Variants in PMS1 observed in about 807,000 individuals in gnomAD.
PMS1 encodes the protein PMS1 homolog 1, mismatch repair system component.
Under a neutral mutation model 93.1 loss-of-function variants are expected in PMS1, and 79 were observed. That is an observed-to-expected ratio of 0.85 (90% confidence interval 0.71 to 1.02). PMS1 has a LOEUF of 1.02. Among genes scored for constraint, PMS1 ranks in the 50% least tolerant of loss-of-function variants. PMS1 has a pLI of 0.00. For synonymous variants in PMS1, 335 were observed against 363.4 expected (o/e 0.92, Z 0.89); for missense variants, 1,064 against 1,085.3 (o/e 0.98, Z 0.28).
intron 2 of PMS1, among the ~76,000 whole-genome samples, chr2:189,794,663 T>C (rs931392511): frequency 1.3e-5 from 2 of 152,192 alleles, no homozygotes; most frequent in Non-Finnish European, 2.9e-5. Flanking sequence ...GTCAGACTTA[T>C]TTATTATGGA....
In PMS1 at chr2:189,853,974, G is replaced by C; in HGVS notation, c.858G>C (p.Lys286Asn). Reference protein sequence around the residue: ...IRHHYNLKCLKESTRLYPVFF... With the variant: ...IRHHYNLKCLNESTRLYPVFF... ...ATCATTACAATCTGAAATGCCTAAA[G>C]GAATCTACTCGTTTGTATCCTGTTT... Residue 286 changes from lysine (K) to asparagine (N), a missense_variant, in exon 8 of 13, where the codon AAG (lysine) becomes AAC (asparagine). By Grantham distance (94) the Lys-to-Asn change is moderately conservative (BLOSUM62 0). Transcript: ENST00000441310. The C allele has an allele frequency of 6.2e-7, 1 of 1,602,900 alleles. No homozygotes were observed. Among genetic ancestry groups the C allele is most frequent in the Non-Finnish European group, 8.5e-7 (1 of 1,172,996 alleles).
At chr2:189,840,770 G>A (rs542943903) in intron 5 of PMS1, among the ~76,000 whole-genome samples, 18 of 152,130 alleles carry the variant, frequency 1.2e-4, no homozygotes, top group Non-Finnish European at 2.2e-4. Context: ...TCAGACTTTA[G>A]GATGCTAGAA....
chr2:189,793,949 C>T (rs928398785), intron 2 of PMS1, among the ~76,000 whole-genome samples: 4 of 152,054 alleles, frequency 2.6e-5, no homozygotes, highest in Non-Finnish European at 5.9e-5. Flanking sequence ...TACGGGATTT[C>T]GAGACCATGT....
At chr2:189,848,955 AC>A (rs1378222535) in intron 6 of PMS1, among the ~76,000 whole-genome samples, 1 of 152,152 alleles carries the variant, frequency 6.6e-6, no homozygotes, top group Non-Finnish European at 1.5e-5. Flanking sequence ...CACTCACCTC[AC>A]TTCTGTCCCC....
intron 12 of PMS1, 128 bp from the exon 13 acceptor site, chr2:189,877,143 TA>T: frequency 1.3e-6 from 1 of 772,298 alleles, no homozygotes; most frequent in Non-Finnish European, 2.1e-6. Flanking sequence ...AGTTGATACT[TA>T]ATAAATATTT....
intron 3 of PMS1, among the ~76,000 whole-genome samples, chr2:189,805,379 C>T (rs980468999): frequency 6.6e-6 from 1 of 152,066 alleles, no homozygotes; most frequent in African/African-American, 2.4e-5. Context: ...GCATATAATA[C>T]AAATGGCATT....
At chr2:189,792,688 A>ATATAT in intron 2 of PMS1, among the ~76,000 whole-genome samples, 3 of 127,260 alleles carry the variant, frequency 2.4e-5, no homozygotes, top group Middle Eastern at 9.8e-3. Context: ...TATGGACACA[A>ATATAT]ATATATATAT....
At chr2:189,801,045 T>C (rs1342267013) in intron 3 of PMS1, among the ~76,000 whole-genome samples, 1 of 152,232 alleles carries the variant, frequency 6.6e-6, no homozygotes, top group African/African-American at 2.4e-5. Flanking sequence ...TAATTTTTTG[T>C]AGAGATAGGG....
intron 6 of PMS1, among the ~76,000 whole-genome samples, chr2:189,849,654 C>T (rs1366333954): frequency 1.3e-5 from 2 of 152,012 alleles, no homozygotes; most frequent in Non-Finnish European, 2.9e-5. Context: ...CCCCAACTTC[C>T]ACTTCTTTCC....
In PMS1 at chr2:189,809,458, T is replaced by C. The variant is rs1297931828; in HGVS notation, c.418+3704T>C. ...AAGGAAGCACATTTCTTTTTTTTTT[T>C]TTTTTTTTTTTTTTTTGCTTTTTGA... On this transcript the variant is annotated intron_variant, in intron 4 of 12. Transcript: ENST00000441310. Among the ~76,000 whole-genome samples the C allele has an allele frequency of 2.2e-4, 33 of 147,032 alleles. 1 individual carries two copies. Among genetic ancestry groups the C allele is most frequent in the East Asian group, 7.8e-4 (4 of 5,114 alleles).
At position 189,805,668 on chromosome 2, in the gene PMS1, G is replaced by T; in HGVS notation, c.332G>T (p.Arg111Ile). 6.2e-7 allele frequency: 1 copy of T among 1,613,580 alleles called. No homozygotes were observed. The highest frequency in any genetic ancestry group is 1.3e-5 in the African/African-American group (1 of 75,010). The change falls in exon 4 of 13, where the codon AGA becomes ATA. Residue 111 changes from arginine to isoleucine, a missense_variant. Transcript: ENST00000441310. ...TTCCCCCAGGTTTTAATTACAACAA[G>T]AACGGCTGCTGATAATTTTAGCACC... ...CCIAEVLITTRTAADNFSTQY... is the reference protein window; with the variant it reads ...CCIAEVLITTITAADNFSTQY...
intron 3 of PMS1, among the ~76,000 whole-genome samples, chr2:189,798,757 ATTTTTTT>A (rs757864750): frequency 6.3e-5 from 5 of 79,936 alleles, no homozygotes; most frequent in African/African-American, 1.8e-4. Context: ...TAAGTATTTG[ATTTTTTT>A]TTTTTTTTTT....
chr2:189,804,657 G>A (rs2050180224), intron 3 of PMS1, among the ~76,000 whole-genome samples: 1 of 152,126 alleles, frequency 6.6e-6, no homozygotes, highest in Non-Finnish European at 1.5e-5. Context: ...CTTGGTTAGG[G>A]CAGGGTGACA....
intron 5 of PMS1, among the ~76,000 whole-genome samples, chr2:189,840,911 C>T (rs1437498455): frequency 6.6e-6 from 1 of 152,084 alleles, no homozygotes; most frequent in East Asian, 1.9e-4. Flanking sequence ...TTTGTTTTGT[C>T]TTCACTGGTA....
chr2:189,821,673 G>A (rs552811117), intron 5 of PMS1, among the ~76,000 whole-genome samples: 1 of 152,010 alleles, frequency 6.6e-6, no homozygotes, highest in Non-Finnish European at 1.5e-5. Context: ...GACGGGTGTG[G>A]TGGCAGATGC....
intron 1 of PMS1, among the ~76,000 whole-genome samples, chr2:189,789,823 A>G (rs1424125060): frequency 6.6e-6 from 1 of 152,156 alleles, no homozygotes; most frequent in Non-Finnish European, 1.5e-5. Flanking sequence ...TTTTGGTCCA[A>G]TAAAATCTTG....
chr2:189,793,695 C>A (rs983549600), intron 2 of PMS1, among the ~76,000 whole-genome samples: 1 of 152,162 alleles, frequency 6.6e-6, no homozygotes, highest in Non-Finnish European at 1.5e-5. Context: ...ACAAAGCCAA[C>A]AGAAGTCCTG....
chr2:189,858,713 G>A (rs967629860), intron 9 of PMS1, among the ~76,000 whole-genome samples: 4 of 152,050 alleles, frequency 2.6e-5, no homozygotes, highest in Non-Finnish European at 5.9e-5. Context: ...GTAAACTATT[G>A]AAAATCATGT....
At chr2:189,844,851 A>AT (rs2054125178) in intron 6 of PMS1, among the ~76,000 whole-genome samples, 1 of 150,298 alleles carries the variant, frequency 6.7e-6, no homozygotes, top group South Asian at 2.1e-4. Context: ...TATATATATA[A>AT]TTTTTTTCTT....
Sources: allele counts gnomAD v4.1 joint callset (sites outside exome capture counted in the v4.1 genomes callset), GRCh38; gene constraint gnomAD v4.1.1; transcripts MANE v1.5; gene names NCBI Gene and HGNC (gene_info 2026-07-23, HGNC 2026-07-21).